FGF13: variants seen among roughly 807,000 people sequenced by gnomAD.
FGF13 encodes the protein fibroblast growth factor homologous factor 2.
A neutral mutation model predicts 19.5 loss-of-function variants in FGF13; 2 were observed. The ratio of observed to expected loss-of-function variants is 0.10; its 90% CI spans 0.04 to 0.32. FGF13 has a LOEUF of 0.32. Ranked by LOEUF, FGF13 falls within the 10% of genes least tolerant of loss-of-function variation. FGF13 has a pLI of 1.00. For missense variants in FGF13, 113 were observed against 192.7 expected, an observed-to-expected ratio of 0.59 and a Z score of 2.45; for synonymous variants, 72 against 76.9, an observed-to-expected ratio of 0.94 and a Z score of 0.33.
At chrX:138,858,336 T>C (rs1198220154) in intron 2 of FGF13, among the ~76,000 whole-genome samples, 1 of 111,849 alleles carries the variant, frequency 8.9e-6, no homozygotes, top group East Asian at 2.8e-4. Flanking sequence ...ATTTTGGCCT[T>C]AGGTATACAC....
intron 1 of FGF13, among the ~76,000 whole-genome samples, chrX:138,735,442 C>T (rs1243560252): frequency 6.3e-5 from 7 of 111,705 alleles, no homozygotes; most frequent in Non-Finnish European, 9.4e-5. Context: ...ATTTCAGCGG[C>T]ATGTTGAACT....
At chrX:138,778,047 G>C (rs1222870636) in intron 3 of FGF13, among the ~76,000 whole-genome samples, 2 of 111,969 alleles carry the variant, frequency 1.8e-5, no homozygotes, top group Non-Finnish European at 3.8e-5. Context: ...GTGGGGGTAG[G>C]AGCCAAGATG....
chrX:139,011,717 T>C (rs2092129364), intron 1 of FGF13, among the ~76,000 whole-genome samples: 1 of 111,440 alleles, frequency 9.0e-6, no homozygotes, highest in Non-Finnish European at 1.9e-5. Flanking sequence ...TAAAACAAAC[T>C]CACAGCCAAC....
At chrX:138,979,420 A>G (rs989528929) in intron 1 of FGF13, among the ~76,000 whole-genome samples, 16 of 109,192 alleles carry the variant, frequency 1.5e-4, no homozygotes, top group African/African-American at 5.0e-4. Flanking sequence ...TTTTTATATT[A>G]TTATTATACT....
intron 3 of FGF13, among the ~76,000 whole-genome samples, chrX:138,745,586 G>A (rs757722734): frequency 5.4e-5 from 6 of 112,051 alleles, no homozygotes; most frequent in Non-Finnish European, 9.4e-5. Flanking sequence ...AGCATCTCGC[G>A]ACAATAGGGA....
At chrX:138,695,033 A>AC (rs1491230085) in intron 3 of FGF13, among the ~76,000 whole-genome samples, 3 of 101,860 alleles carry the variant, frequency 2.9e-5, no homozygotes, top group Non-Finnish European at 6.0e-5. Context: ...ACACACACAC[A>AC]AACCCAGAAA....
At chrX:138,669,891 G>C (rs1468886560) in intron 3 of FGF13, among the ~76,000 whole-genome samples, 1 of 111,520 alleles carries the variant, frequency 9.0e-6, no homozygotes, top group Non-Finnish European at 1.9e-5. Flanking sequence ...TTGCTCATGG[G>C]AAACTGTTTC....
chrX:138,623,513 C>G lies in FGF13; in HGVS notation c.*9337G>C, dbSNP rs946727308. 2.7e-5 allele frequency: 3 copies of G among 111,837 alleles called. No individual in the cohort carries two copies. The highest frequency in any genetic ancestry group is 5.6e-5 in the Non-Finnish European group (3 of 53,250). 9.2% of individuals were successfully genotyped at this position (111,837 alleles called of 1,213,427 possible). On this transcript the variant is annotated 3_prime_UTR_variant, in exon 5 of 5. Coordinates refer to ENST00000315930, the MANE Select transcript of FGF13 (RefSeq NM_004114.5). Reference sequence around the variant, plus strand: ...AGTGGCTGGGTGCAGTGGCTCACGCCTGTAATCCCAGCGCTTTGGGAGGCC... The same window carrying G: ...AGTGGCTGGGTGCAGTGGCTCACGCGTGTAATCCCAGCGCTTTGGGAGGCC...
rs2089111037 is a variant in FGF13 at position 138,631,101 on chromosome X, T to TAAG, written c.*1746_*1748dup. 2 of 112,463 alleles carry TAAG rather than the reference T, an allele frequency of 1.8e-5. No homozygotes were observed. Among genetic ancestry groups the TAAG allele is most frequent in the South Asian group, 3.7e-4 (1 of 2,688 alleles). The allele number at this position is 112,463 out of a possible 1,213,427, so 9.3% of individuals were successfully genotyped here. ...CGAAAAAATGTAAGTTGAACTACTG[T>TAAG]AAGTCAGAGACCATCTGTATTGACT... On this transcript the variant is annotated 3_prime_UTR_variant, in exon 5 of 5. Transcript: ENST00000315930.
chrX:139,174,872 T>C (rs1404224206), intron 1 of FGF13, among the ~76,000 whole-genome samples: 2 of 112,247 alleles, frequency 1.8e-5, no homozygotes, highest in Non-Finnish European at 3.8e-5. Context: ...TTGACTTGGC[T>C]ATACAGGCTC....
At chrX:139,072,922 T>C (rs2092381315) in intron 1 of FGF13, among the ~76,000 whole-genome samples, 1 of 112,059 alleles carries the variant, frequency 8.9e-6, no homozygotes, top group Non-Finnish European at 1.9e-5. Flanking sequence ...GTTTCTGTGT[T>C]GCATTTTGCG....
intron 3 of FGF13, among the ~76,000 whole-genome samples, chrX:138,773,692 A>G (rs752101023): frequency 8.9e-6 from 1 of 112,342 alleles, no homozygotes. Flanking sequence ...GCCATGGCAC[A>G]AAATTAATTT....
chrX:138,764,369 A>G (rs774755786), intron 3 of FGF13, among the ~76,000 whole-genome samples: 2 of 112,536 alleles, frequency 1.8e-5, no homozygotes, highest in African/African-American at 6.4e-5. Flanking sequence ...GATGATGTAA[A>G]CACTCAACTT....
intron 1 of FGF13, among the ~76,000 whole-genome samples, chrX:139,028,650 T>A (rs867662938): frequency 1.6e-4 from 11 of 67,810 alleles, no homozygotes; most frequent in African/African-American, 5.1e-4. Context: ...TGTGTGTGTG[T>A]GAGAGAGAGA....
At chrX:138,984,739 G>GGGGAGGAGGAGGAGGAGA (rs1249363437) in intron 1 of FGF13, among the ~76,000 whole-genome samples, 2 of 73,252 alleles carry the variant, frequency 2.7e-5, no homozygotes, top group Non-Finnish European at 2.6e-5. Flanking sequence ...AGAAGAGAAG[G>GGGGAGGAGGAGGAGGAGA]AGGAGGAGGA....
downstream of FGF13, chrX:138,857,453 AAGAG>A: frequency 3.6e-6 from 4 of 1,100,258 alleles, no homozygotes; most frequent in South Asian, 2.2e-5. Flanking sequence ...ATCCAAAAGA[AAGAG>A]AAAGAAAGAA....
chrX:138,885,974 T>TA (rs771113234), intron 1 of FGF13, among the ~76,000 whole-genome samples: 3 of 111,601 alleles, frequency 2.7e-5, no homozygotes, highest in South Asian at 7.5e-4. Flanking sequence ...CGTTTCCCTT[T>TA]AAAAAAATAA....
intron 3 of FGF13, among the ~76,000 whole-genome samples, chrX:138,840,248 CT>C (rs775518607): frequency 8.9e-6 from 1 of 112,122 alleles, no homozygotes; most frequent in Admixed American, 9.5e-5. Context: ...AGCTATGGTG[CT>C]CATAAATCAG....
chrX:138,819,993 T>C (rs1218536247), intron 3 of FGF13, among the ~76,000 whole-genome samples: 1 of 111,551 alleles, frequency 9.0e-6, no homozygotes, highest in Non-Finnish European at 1.9e-5. Context: ...GCTTCCATTA[T>C]GTAATTGTGT....
Sources: gnomAD v4.1 joint callset for allele counts (sites outside exome capture counted in the v4.1 genomes callset) on GRCh38, gnomAD v4.1.1 for gene constraint, MANE v1.5 for transcripts, NCBI Gene and HGNC (gene_info 2026-07-23, HGNC 2026-07-21) for gene names.